Variants in TRIM40 observed in about 807,000 individuals in gnomAD.
TRIM40 encodes E3 ubiquitin ligase TRIM40.
Under a neutral mutation model 26.1 loss-of-function variants are expected in TRIM40, and 27 were observed. The ratio of observed to expected loss-of-function variants is 1.04; its 90% confidence interval spans 0.76 to 1.43. The LOEUF is 1.43. Ranked by LOEUF, TRIM40 falls within the 40% of genes most tolerant of loss-of-function variation. The pLI, the probability that TRIM40 is intolerant of heterozygous loss-of-function variation, is 0.00. For synonymous variants in TRIM40, 114 were observed against 120.0 expected, an observed-to-expected ratio of 0.95 and a Z score of 0.33; for missense variants, 289 against 307.9, an observed-to-expected ratio of 0.94 and a Z score of 0.46.
intron 2 of TRIM40, among the ~76,000 whole-genome samples, chr6:30,142,818 T>C (rs912654218): frequency 6.6e-6 from 1 of 152,126 alleles, no homozygotes; most frequent in Non-Finnish European, 1.5e-5. Flanking sequence ...TTACGTGTTG[T>C]TTCTCGCTTG....
chr6:30,138,287 A>G (rs1279210602), intron 2 of TRIM40, among the ~76,000 whole-genome samples: 4 of 152,222 alleles, frequency 2.6e-5, no homozygotes, highest in African/African-American at 9.6e-5. Flanking sequence ...TTAAGATTAC[A>G]CAGAACGTTC....
chr6:30,146,706 C>T (rs1013000922), intron 3 of TRIM40, among the ~76,000 whole-genome samples: 5 of 152,214 alleles, frequency 3.3e-5, no homozygotes, highest in Non-Finnish European at 5.9e-5. Context: ...CCACCGTGCC[C>T]GGCCGCCATA....
intron 2 of TRIM40, among the ~76,000 whole-genome samples, chr6:30,139,701 T>C (rs1034573089): frequency 1.3e-5 from 2 of 152,096 alleles, no homozygotes; most frequent in African/African-American, 2.4e-5. Context: ...GAGGGCCTCA[T>C]AGAGGAAGTG....
At chr6:30,141,594 A>G (rs189720980) in intron 2 of TRIM40, among the ~76,000 whole-genome samples, 1 of 152,262 alleles carries the variant, frequency 6.6e-6, no homozygotes, top group Admixed American at 6.5e-5. Flanking sequence ...CTTCAGTAAG[A>G]TGGTGGCAGA....
chr6:30,146,126 G>A (rs761691280), intron 3 of TRIM40, 37 bp downstream of exon 3: 15 of 1,504,182 alleles, frequency 1.0e-5, no homozygotes, highest in Non-Finnish European at 1.3e-5. Context: ...ACTCCCTGGA[G>A]TGTTCTCAGG....
chr6:30,139,865 G>A (rs1418102923), intron 2 of TRIM40, among the ~76,000 whole-genome samples: 1 of 152,090 alleles, frequency 6.6e-6, no homozygotes, highest in African/African-American at 2.4e-5. Context: ...GATTAGAAGT[G>A]GGTTCTTTGT....
At chr6:30,145,460 G>A (rs1771588967) in intron 2 of TRIM40, among the ~76,000 whole-genome samples, 1 of 152,092 alleles carries the variant, frequency 6.6e-6, no homozygotes, top group Non-Finnish European at 1.5e-5. Flanking sequence ...ATAGCTTCAA[G>A]GACACAGCGA....
At position 30,147,020 on chromosome 6, in the gene TRIM40, T is replaced by C. The variant is rs761788498; in HGVS notation, c.477T>C (p.Ala159=). 5 of 1,609,436 alleles carry C rather than the reference T, an allele frequency of 3.1e-6. No homozygotes were observed. Among genetic ancestry groups the C allele is most frequent in the African/African-American group, 1.3e-5 (1 of 74,818 alleles). Residue 159 remains alanine, a synonymous_variant, in exon 4 of 6, where the codon GCT becomes GCC. Coordinates refer to ENST00000396581, the MANE Select transcript of TRIM40 (RefSeq NM_001286633.2). ...ACCACGGGAACCACAGGCTGGAGGC[T>C]GGGCCGGAGAGCCAGCACCAAACCA... ...QVDHGNHRLE[A]GPESQHQTRE...
chr6:30,147,404 C>T, intron 4 of TRIM40, 116 bp from the exon 5 acceptor site: 13 of 1,502,946 alleles, frequency 8.6e-6, no homozygotes, highest in Non-Finnish European at 1.2e-5. Context: ...TTGCTATGTT[C>T]CCCCAGTTCT....
chr6:30,136,983 C>G lies in TRIM40; in HGVS notation c.-54C>G. 1 of 1,558,488 alleles carries G rather than the reference C, an allele frequency of 6.4e-7. No homozygotes were observed. The highest frequency in any genetic ancestry group is 2.3e-5 in the East Asian group (1 of 44,420). On this transcript the variant is annotated 5_prime_UTR_variant, in exon 2 of 6. Coordinates refer to ENST00000396581, the MANE Select transcript of TRIM40 (RefSeq NM_001286633.2). ...TTGAGGGCAACAGGCCTTCCGAAGA[C>G]CAGTGAAGAAGGAGGCCCTGCAAAC...
rs1406873075 is a variant in TRIM40 at position 30,147,025 on chromosome 6, C to G, written c.482C>G (p.Pro161Arg). 1.2e-6 allele frequency: 2 copies of G among 1,610,576 alleles called. No individual in the cohort carries two copies. Among genetic ancestry groups the G allele is most frequent in the East Asian group, 2.2e-5 (1 of 44,744 alleles). ...DHGNHRLEAG[P>R]ESQHQTREQL... Reference sequence around the variant, plus strand: ...GGGAACCACAGGCTGGAGGCTGGGCCGGAGAGCCAGCACCAAACCAGGGAA... The same window carrying G: ...GGGAACCACAGGCTGGAGGCTGGGCGGGAGAGCCAGCACCAAACCAGGGAA... The change falls in exon 4 of 6, where the codon CCG becomes CGG. Residue 161 changes from proline (P) to arginine (R), a missense_variant. By Grantham distance (103) the Pro-to-Arg change is moderately radical. Coordinates refer to ENST00000396581, the MANE Select transcript of TRIM40 (RefSeq NM_001286633.2).
At chr6:30,147,632 T>C (rs1771750505) in intron 5 of TRIM40, 90 bp downstream of exon 5, 1 of 1,610,992 alleles carries the variant, frequency 6.2e-7, no homozygotes, top group Non-Finnish European at 8.5e-7. Flanking sequence ...CACTGCTCCG[T>C]TAGCTTTTGT....
At chr6:30,143,852 C>A (rs942871395) in intron 2 of TRIM40, among the ~76,000 whole-genome samples, 1 of 152,166 alleles carries the variant, frequency 6.6e-6, no homozygotes, top group Non-Finnish European at 1.5e-5. Flanking sequence ...TTCAGTCATT[C>A]TATGCCTTTA....
chr6:30,136,834 G>T lies in TRIM40; in HGVS notation c.-203G>T, dbSNP rs1380202436. 3 of 589,424 alleles carry T rather than the reference G, an allele frequency of 5.1e-6. No individual in the cohort carries two copies. The highest frequency in any genetic ancestry group is 1.9e-5 in the African/African-American group (1 of 53,776). 36.5% of individuals were successfully genotyped at this position (589,424 alleles called of 1,614,324 possible). A position where few individuals can be genotyped will look rare whatever the true frequency, so the allele number is the denominator to read the frequency against. The stretch of plus-strand genomic sequence containing the variant: ...TGAAACTCGTGCAGAATTGTGGTTT[G>T]TGTGGTCTATGTCACGGCACCCTTG... On this transcript the variant is annotated 5_prime_UTR_variant, in exon 2 of 6. Coordinates refer to ENST00000396581, the MANE Select transcript of TRIM40 (RefSeq NM_001286633.2).
At chr6:30,145,883 T>A (rs764112980) in intron 2 of TRIM40, 111 bp from the exon 3 acceptor site, 12 of 759,712 alleles carry the variant, frequency 1.6e-5, no homozygotes, top group Non-Finnish European at 2.7e-5. Context: ...TAGGCAGAAT[T>A]TTACATTAGT....
chr6:30,147,279 C>A, intron 4 of TRIM40, 70 bp downstream of exon 4: 1 of 1,571,294 alleles, frequency 6.4e-7, no homozygotes, highest in Non-Finnish European at 8.7e-7. Flanking sequence ...CTGCATCACC[C>A]TTCTGGGAGG....
Position 30,137,073 on chromosome 6 carries a change from G to A in TRIM40, c.37G>A (p.Val13Ile). 5.0e-6 allele frequency: 8 copies of A among 1,613,076 alleles called. No homozygotes were observed. The highest frequency in any genetic ancestry group is 6.8e-6 in the Non-Finnish European group (8 of 1,180,038). Residue 13 changes from valine (V) to isoleucine (I), a missense_variant, in exon 2 of 6, where the codon GTC (valine) becomes ATC (isoleucine). Val to Ile is a conservative substitution (Grantham distance 29). Transcript: ENST00000396581. Reference sequence around the variant, plus strand: ...GCAGAAGGACAACCAGGAGGAGGGTGTCTGCCCCATCTGCCAGGAGAGCCT... The same window carrying A: ...GCAGAAGGACAACCAGGAGGAGGGTATCTGCCCCATCTGCCAGGAGAGCCT... The part of the protein sequence containing the change: ...PLQKDNQEEG[V>I]CPICQESLKE...
intron 2 of TRIM40, 93 bp downstream of exon 2, chr6:30,137,474 C>A: frequency 9.8e-7 from 1 of 1,018,070 alleles, no homozygotes; most frequent in Non-Finnish European, 1.5e-6. Context: ...CAGAGTAGCT[C>A]AACAATGGAC....
rs146136176 is a variant in TRIM40, at chr6:30,143,323, A to T, written c.346-2671A>T. Among the ~76,000 whole-genome samples, 304 of 151,268 alleles carry T rather than the reference A, an allele frequency of 2.0e-3. 2 individuals carry two copies. Among genetic ancestry groups the T allele is most frequent in the African/African-American group, 7.2e-3 (296 of 41,184 alleles). The stretch of plus-strand genomic sequence containing the variant: ...ATGTATTTACCATACATTTTTAAAA[A>T]TTTTCTGACATTTTCTAGATCATAA... On this transcript the variant is annotated intron_variant, in intron 2 of 5. Transcript: ENST00000396581.
Sources: gnomAD v4.1 joint callset for allele counts (sites outside exome capture counted in the v4.1 genomes callset) on GRCh38, gnomAD v4.1.1 for gene constraint, MANE v1.5 for transcripts, NCBI Gene and HGNC (gene_info 2026-07-23, HGNC 2026-07-21) for gene names.